BRD7: variants seen among roughly 807,000 people sequenced by gnomAD.
BRD7 encodes the protein bromodomain containing 7, also known as bromodomain-containing protein 7.
A neutral mutation model predicts 82.1 loss-of-function variants in BRD7; 15 were observed. The observed-to-expected ratio is 0.18, with a 90% CI of 0.12 to 0.28. The LOEUF is 0.28. BRD7 is among the 10% of genes least tolerant of loss of function. The probability of loss-of-function intolerance (pLI) is 1.00; values close to 1 mark genes in which losing one functional copy is unlikely to be tolerated. For synonymous variants in BRD7, 232 were observed against 266.9 expected (o/e 0.87, Z 1.27); for missense variants, 638 against 779.9 (o/e 0.82, Z 2.17).
At chr16:50,360,498 C>T (rs1027170562) in intron 2 of BRD7, among the ~76,000 whole-genome samples, 6 of 152,202 alleles carry the variant, frequency 3.9e-5, no homozygotes, top group Non-Finnish European at 7.3e-5. Flanking sequence ...GCATTTGCTA[C>T]ACACGTTAGC....
chr16:50,368,566 A>T (rs61559624), intron 1 of BRD7, 160 bp downstream of exon 1: 1 of 783,216 alleles, frequency 1.3e-6, no homozygotes, highest in Non-Finnish European at 1.9e-6. Flanking sequence ...CCGCGGCCGC[A>T]CGGGGGGCAG....
intron 2 of BRD7, among the ~76,000 whole-genome samples, chr16:50,367,114 A>G (rs2039176721): frequency 6.6e-6 from 1 of 152,224 alleles, no homozygotes. Context: ...TTGTATATAT[A>G]AACATAAGAA....
intron 5 of BRD7, among the ~76,000 whole-genome samples, chr16:50,340,489 A>T (rs1375229240): frequency 6.6e-6 from 1 of 152,242 alleles, no homozygotes; most frequent in African/African-American, 2.4e-5. Context: ...GCTTTAAAAC[A>T]AACATCTTAA....
At chr16:50,361,787 C>T (rs1313300162) in intron 2 of BRD7, 1 of 152,178 alleles carries the variant, frequency 6.6e-6, no homozygotes, top group Non-Finnish European at 1.5e-5. Context: ...TAAAAAGAGA[C>T]TTACTTTATG....
intron 5 of BRD7, among the ~76,000 whole-genome samples, chr16:50,346,103 G>A (rs1383785987): frequency 2.6e-5 from 4 of 152,294 alleles, no homozygotes; most frequent in East Asian, 3.9e-4. Context: ...CTAGAACTCA[G>A]GATTAAGAAA....
intron 2 of BRD7, 71 bp from the exon 3 acceptor site, chr16:50,354,993 A>C: frequency 6.7e-7 from 1 of 1,502,266 alleles, no homozygotes. Context: ...AAATCATTTT[A>C]AGGGGTAAAA....
At chr16:50,329,238 C>A (rs192930526) in intron 8 of BRD7, among the ~76,000 whole-genome samples, 1 of 152,224 alleles carries the variant, frequency 6.6e-6, no homozygotes, top group East Asian at 1.9e-4. Flanking sequence ...TGAAGAAAAT[C>A]TCAGAATTCT....
intron 5 of BRD7, among the ~76,000 whole-genome samples, chr16:50,347,451 GA>G (rs1240318094): frequency 3.3e-5 from 5 of 152,110 alleles, no homozygotes; most frequent in Admixed American, 2.6e-4. Context: ...ATTCAATTAG[GA>G]AAAGAGGAAG....
At chr16:50,327,403 C>A (rs2037386284) in intron 9 of BRD7, among the ~76,000 whole-genome samples, 3 of 152,198 alleles carry the variant, frequency 2.0e-5, no homozygotes, top group Non-Finnish European at 4.4e-5. Context: ...CAAATGTTCA[C>A]CACAGCTATA....
At chr16:50,367,921 C>CTTGCTGAAA (rs1266163042) in intron 2 of BRD7, among the ~76,000 whole-genome samples, 169 bp downstream of exon 2, 25 of 152,180 alleles carry the variant, frequency 1.6e-4, no homozygotes, top group Non-Finnish European at 3.1e-4. Context: ...CCAAAAACGA[C>CTTGCTGAAA]TTGCTGAAAC....
chr16:50,353,589 A>G (rs1482322413), intron 4 of BRD7, among the ~76,000 whole-genome samples: 1 of 151,440 alleles, frequency 6.6e-6, no homozygotes, highest in Non-Finnish European at 1.5e-5. Flanking sequence ...AATATATTTT[A>G]TTTATTTATT....
intron 5 of BRD7, among the ~76,000 whole-genome samples, chr16:50,345,800 A>G (rs1212799974): frequency 6.6e-6 from 1 of 152,176 alleles, no homozygotes; most frequent in African/African-American, 2.4e-5. Flanking sequence ...AGAGACTTAG[A>G]CTCACACGCA....
chr16:50,321,032 C>T (rs1298434771), intron 13 of BRD7, among the ~76,000 whole-genome samples: 1 of 152,178 alleles, frequency 6.6e-6, no homozygotes, highest in African/African-American at 2.4e-5. Flanking sequence ...CAATTTATAT[C>T]ATTTGTTTAG....
intron 5 of BRD7, among the ~76,000 whole-genome samples, chr16:50,346,949 C>A (rs559441733): frequency 6.6e-6 from 1 of 152,074 alleles, no homozygotes; most frequent in Non-Finnish European, 1.5e-5. Flanking sequence ...CTGGTAGAGA[C>A]ACAACAAAAA....
At chr16:50,323,215 G>A (rs540551029) in intron 12 of BRD7, among the ~76,000 whole-genome samples, 3 of 152,340 alleles carry the variant, frequency 2.0e-5, no homozygotes, top group South Asian at 4.1e-4. Flanking sequence ...TCCTCCCGAT[G>A]TGCTATTACT....
intron 9 of BRD7, among the ~76,000 whole-genome samples, 161 bp downstream of exon 9, chr16:50,328,508 G>A (rs917556254): frequency 6.6e-6 from 1 of 152,198 alleles, no homozygotes; most frequent in Non-Finnish European, 1.5e-5. Flanking sequence ...GTGAAAGTTA[G>A]GCTAGCTGTT....
intron 2 of BRD7, chr16:50,361,661 T>C (rs1197844598): frequency 6.6e-6 from 1 of 152,242 alleles, no homozygotes; most frequent in Non-Finnish European, 1.5e-5. Context: ...TTATCATTCT[T>C]CCACTCAAAG....
At chr16:50,334,444 G>C (rs1352558764) in intron 7 of BRD7, among the ~76,000 whole-genome samples, 4 of 152,136 alleles carry the variant, frequency 2.6e-5, no homozygotes, top group Admixed American at 6.5e-5. Flanking sequence ...GACCATATCA[G>C]TCCCAAAAGA....
At chr16:50,340,119 TAA>T in intron 5 of BRD7, 33 bp from the exon 6 acceptor site, 1 of 1,320,046 alleles carries the variant, frequency 7.6e-7, no homozygotes, top group Non-Finnish European at 1.0e-6. Context: ...GAAAATGCAT[TAA>T]TGCAAAACAA....
Sources: gnomAD v4.1 joint callset for allele counts (sites outside exome capture counted in the v4.1 genomes callset) on GRCh38, gnomAD v4.1.1 for gene constraint, MANE v1.5 for transcripts, NCBI Gene and HGNC (gene_info 2026-07-23, HGNC 2026-07-21) for gene names.